The following PIF1 variants were observed in gnomAD, a reference collection of about 807,000 sequenced individuals.
PIF1 encodes the protein ATP-dependent DNA helicase PIF1.
A neutral mutation model predicts 62.3 loss-of-function variants in PIF1; 67 were observed. That is an observed-to-expected ratio of 1.08 (90% confidence interval 0.88 to 1.32). The LOEUF is 1.32. Among genes scored for constraint, PIF1 ranks in the 40% most tolerant of loss-of-function variants. The pLI is 0.00. For missense variants in PIF1, 886 were observed against 866.1 expected, an observed-to-expected ratio of 1.02 and a Z score of -0.29; for synonymous variants, 364 against 379.5, an observed-to-expected ratio of 0.96 and a Z score of 0.47.
rs569547087 is a variant in PIF1 at position 64,820,988 on chromosome 15, A to G, written c.1187T>C (p.Leu396Pro). 1.9e-6 allele frequency: 3 copies of G among 1,613,764 alleles called. No individual in the cohort carries two copies. In the South Asian group the frequency reaches 3.3e-5, roughly 18 times the overall value. Residue 396 changes from leucine to proline, a missense_variant, in exon 7 of 13, where the codon CTA (leucine) becomes CCA (proline). Transcript: ENST00000559239. Reference sequence around the variant, plus strand: ...CCCAACCAGCAGAGCTCACCTGCCTAGCCTCACGGCCTGCAGTAGAGAGAT... The same window carrying G: ...CCCAACCAGCAGAGCTCACCTGCCTGGCCTCACGGCCTGCAGTAGAGAGAT... ...TFISLLQAVR[L>P]GRCSDEVTRQ... is the part of the protein sequence containing the mutation.
intron 12 of PIF1, 100 bp from the exon 13 acceptor site, chr15:64,816,457 G>A: frequency 1.3e-6 from 2 of 1,596,460 alleles, no homozygotes; most frequent in Non-Finnish European, 1.7e-6. Context: ...CACCCCTAAA[G>A]GAGCCAGCAG....
intron 12 of PIF1, 107 bp downstream of exon 12, chr15:64,816,467 G>GA: frequency 6.3e-7 from 1 of 1,594,600 alleles, no homozygotes; most frequent in South Asian, 1.1e-5. Flanking sequence ...GGAGCCAGCA[G>GA]AGGGCTTTTC....
At chr15:64,826,665 TACACACACACACAC>T (rs796586375), upstream of PIF1, among the ~76,000 whole-genome samples, 80 of 42,660 alleles carry the variant, frequency 1.9e-3, no homozygotes, top group Middle Eastern at 0.015. Context: ...TATATATATA[TACACACACACACAC>T]ATATATACAC....
In PIF1 at chr15:64,819,910, TC is replaced by T. The variant is rs1402699340; in HGVS notation, c.1269del (p.Arg424GlyfsTer52). The T allele has an allele frequency of 2.5e-6, 4 of 1,614,136 alleles. No homozygotes were observed. The highest frequency in any genetic ancestry group is 3.4e-6 in the Non-Finnish European group (4 of 1,180,036). ...HKVGRDGIVA[T>X]RLCTHQDDVA... ...ACATCATCCTGGTGGGTGCAGAGCC[TC>T]GTGGCCACAATCCCATCTCGCCCCA... is the stretch of plus-strand genomic sequence containing the variant. On this transcript the variant is annotated frameshift_variant, in exon 8 of 13. Coordinates refer to ENST00000559239, the MANE Select transcript of PIF1 (RefSeq NM_001286496.2). LOFTEE classifies it high-confidence loss of function.
Position 64,824,202 on chromosome 15 carries a change from A to G in PIF1, c.134T>C (p.Leu45Pro). ...RQALRTAELS[L>P]GRNERRELML... ...CAACTCGCGGCGCTCGTTGCGACCC[A>G]GGCTCAGCTCCGCGGTGCGCAGGGC... The change falls in exon 2 of 13, where the codon CTG becomes CCG. Residue 45 changes from leucine to proline, a missense_variant. Coordinates refer to ENST00000559239, the MANE Select transcript of PIF1 (RefSeq NM_001286496.2). 1.5e-6 allele frequency: 2 copies of G among 1,356,422 alleles called. No homozygotes were observed. The highest frequency in any genetic ancestry group is 3.0e-5 in the Admixed American group (1 of 33,382). The allele number at this position is 1,356,422 out of a possible 1,614,324, so 84.0% of individuals were successfully genotyped here.
At position 64,824,169 on chromosome 15, in the gene PIF1, C is replaced by G. The variant is rs1019885790; in HGVS notation, c.167G>C (p.Arg56Pro). The G allele has an allele frequency of 4.5e-6, 6 of 1,325,092 alleles. No individual in the cohort carries two copies. The highest frequency in any genetic ancestry group is 2.0e-5 in the South Asian group (1 of 49,622). 82.1% of individuals were successfully genotyped at this position (1,325,092 alleles called of 1,614,324 possible). Residue 56 changes from arginine (R) to proline (P), a missense_variant, in exon 2 of 13, where the codon CGG (arginine) becomes CCG (proline). Coordinates refer to ENST00000559239, the MANE Select transcript of PIF1 (RefSeq NM_001286496.2). ...GRNERRELML[R>P]LQAPGPAGRP... is the part of the protein sequence containing the mutation. ...CCCCGCGGGCCCTGGCGCTTGCAGC[C>G]GCAGCATCAACTCGCGGCGCTCGTT...
chr15:64,816,415 C>T (rs772781843), intron 12 of PIF1, 58 bp from the exon 13 acceptor site: 5 of 1,610,602 alleles, frequency 3.1e-6, no homozygotes, highest in Non-Finnish European at 4.2e-6. Flanking sequence ...AGGACCATAA[C>T]CTGGGGGCCA....
chr15:64,821,688 C>G (rs1294529954), intron 4 of PIF1, 168 bp from the exon 5 acceptor site: 3 of 675,272 alleles, frequency 4.4e-6, no homozygotes, highest in African/African-American at 1.9e-5. Flanking sequence ...CCTCCCACCT[C>G]AACCTCCATA....
rs759880721 is a variant in PIF1 at position 64,818,395 on chromosome 15, C to T, written c.1441-51G>A. On this transcript the variant is annotated intron_variant, in intron 9 of 12. Coordinates refer to ENST00000559239, the MANE Select transcript of PIF1 (RefSeq NM_001286496.2). ...AGCAGCCCCCCTACCCATGCCTGGT[C>T]TTAGCTTCGCCATGGCTGTTCTCAG... 8 of 1,564,502 alleles carry T rather than the reference C, an allele frequency of 5.1e-6. No individual in the cohort carries two copies. In the East Asian group the frequency reaches 9.0e-5, roughly 18 times the overall value.
At position 64,824,046 on chromosome 15, in the gene PIF1, C is replaced by T. The variant is rs1188660299; in HGVS notation, c.290G>A (p.Gly97Glu). Residue 97 changes from glycine to glutamate, a missense_variant, in exon 2 of 13, where the codon GGG (glycine) becomes GAG (glutamate). Physicochemically the swap from Gly to Glu is moderately conservative, Grantham distance 98. Coordinates refer to ENST00000559239, the MANE Select transcript of PIF1 (RefSeq NM_001286496.2). ...TLRLPAHDTP[G>E]AGAVQLLLSD... ...GAGCAGCAGCTGCACTGCGCCGGCC[C>T]CGGGGGTGTCGTGGGCGGGGAGCCG... 7.9e-6 allele frequency: 10 copies of T among 1,265,792 alleles called. No homozygotes were observed. The highest frequency in any genetic ancestry group is 9.9e-6 in the Non-Finnish European group (10 of 1,007,140). 78.4% of individuals were successfully genotyped at this position (1,265,792 alleles called of 1,614,324 possible).
At chr15:64,821,118 G>C (rs2084280231) in intron 6 of PIF1, 30 bp from the exon 7 acceptor site, 1 of 1,613,110 alleles carries the variant, frequency 6.2e-7, no homozygotes, top group Non-Finnish European at 8.5e-7. Context: ...GGTGGGTCAA[G>C]GAGCAGAGCA....
intron 2 of PIF1, 58 bp downstream of exon 2, chr15:64,823,720 G>A (rs1486907401): frequency 2.4e-6 from 3 of 1,233,370 alleles, no homozygotes; most frequent in Non-Finnish European, 2.1e-6. Flanking sequence ...CTAGGTCTCT[G>A]CCATCTTAAA....
At chr15:64,825,981 C>T (rs916991149), upstream of PIF1, among the ~76,000 whole-genome samples, 9 of 152,194 alleles carry the variant, frequency 5.9e-5, no homozygotes, top group Non-Finnish European at 1.3e-4. Context: ...CTCCCTCTCC[C>T]CTCTAGCCCG....
At chr15:64,818,216 A>G (rs770713078) in intron 10 of PIF1, 41 bp downstream of exon 10, 1 of 1,612,554 alleles carries the variant, frequency 6.2e-7, no homozygotes, top group Non-Finnish European at 8.5e-7. Context: ...GCCATGCTGC[A>G]AAGCCCCGTA....
Position 64,824,114 on chromosome 15 carries a change from C to G in PIF1, c.222G>C (p.Ala74=). ...CCTCGGCGAAACGCGTGAAGAGGCGCGCGGCGCGCAGAGGAAAGCAGCGCG... is the reference window on the plus strand; with the variant it reads ...CCTCGGCGAAACGCGTGAAGAGGCGGGCGGCGCGCAGAGGAAAGCAGCGCG... ...GRPRCFPLRA[A]RLFTRFAEAG... is the part of the protein sequence containing the mutation. Residue 74 remains alanine (A), a synonymous_variant, in exon 2 of 13, where the codon GCG becomes GCC. Transcript: ENST00000559239. 1 of 1,272,612 alleles carries G rather than the reference C, an allele frequency of 7.9e-7. No homozygotes were observed. The highest frequency in any genetic ancestry group is 9.9e-7 in the Non-Finnish European group (1 of 1,010,938). 78.8% of individuals were successfully genotyped at this position (1,272,612 alleles called of 1,614,324 possible).
At position 64,823,900 on chromosome 15, in the gene PIF1, C is replaced by G. The variant is rs773402462; in HGVS notation, c.436G>C (p.Asp146His). 3 of 1,363,196 alleles carry G rather than the reference C, an allele frequency of 2.2e-6. No homozygotes were observed. The South Asian group carries it at 5.9e-5, about 27-fold the overall frequency. 84.4% of individuals were successfully genotyped at this position (1,363,196 alleles called of 1,614,324 possible). The change falls in exon 2 of 13, where the codon GAC (aspartate) becomes CAC (histidine). Residue 146 changes from aspartate to histidine, a missense_variant. By Grantham distance (81) the Asp-to-His change is moderately conservative. Transcript: ENST00000559239. ...TGCACAGGGCTGATGGTGACGAAGT[C>G]GCGGGGCCGCGGGCCCAGCAGCTGC... Reference protein sequence around the residue: ...RAQLLGPRPRDFVTISPVQPE... With the variant: ...RAQLLGPRPRHFVTISPVQPE...
In PIF1 at chr15:64,818,238, A is replaced by G. The variant is rs1321874730; in HGVS notation, c.1528+19T>C. On this transcript the variant is annotated intron_variant, in intron 10 of 12. Coordinates refer to ENST00000559239, the MANE Select transcript of PIF1 (RefSeq NM_001286496.2). ...TGCAAAGCCCCGTAGCAGGACTGCC[A>G]CCTCCTCCCAACACTTACCTCTCCC... 6.2e-7 allele frequency: 1 copy of G among 1,613,436 alleles called. No individual in the cohort carries two copies. Among genetic ancestry groups the G allele is most frequent in the Non-Finnish European group, 8.5e-7 (1 of 1,179,660 alleles).
At chr15:64,822,045 T>A in intron 4 of PIF1, 4 of 568,868 alleles carry the variant, frequency 7.0e-6, no homozygotes, top group Non-Finnish European at 1.2e-5. Flanking sequence ...CGGCCGCTAA[T>A]TTTTAAATTT....
At position 64,815,875 on chromosome 15, in the gene PIF1, C is replaced by G. The variant is rs533156940; in HGVS notation, c.*423G>C. ...TTTGGAGGCTGCACCCAGCCTGAGT[C>G]CCCACCAGTCCCCTCCAAGAGCCCT... On this transcript the variant is annotated 3_prime_UTR_variant, in exon 13 of 13. Transcript: ENST00000559239. 7.5e-5 allele frequency: 117 copies of G among 1,550,638 alleles called. No individual in the cohort carries two copies. In the African/African-American group the frequency reaches 1.4e-3, roughly 18 times the overall value.
Sources: allele counts gnomAD v4.1 joint callset (sites outside exome capture counted in the v4.1 genomes callset), GRCh38; gene constraint gnomAD v4.1.1; transcripts MANE v1.5; gene names NCBI Gene and HGNC (gene_info 2026-07-23, HGNC 2026-07-21).